The following CD101 variants were observed in gnomAD, a reference collection of about 807,000 sequenced individuals.
The protein encoded by CD101 is CD101 molecule, also known as immunoglobulin superfamily member 2.
Under a neutral mutation model 98.2 loss-of-function variants are expected in CD101, and 76 were observed. That is an observed-to-expected ratio of 0.77 (90% CI 0.64 to 0.94). The LOEUF (loss-of-function observed/expected upper bound fraction) is 0.94, where lower values mean the gene tolerates loss of function less well. Among genes scored for constraint, CD101 ranks in the 40% least tolerant of loss-of-function variants. The probability of loss-of-function intolerance (pLI) is 0.00; values close to 1 mark genes in which losing one functional copy is unlikely to be tolerated. For missense variants in CD101, 1,145 were observed against 1,218.8 expected (o/e 0.94, Z 0.90); for synonymous variants, 471 against 472.7 (o/e 1.00, Z 0.05).
chr1:117,018,277 G>T lies in CD101; in HGVS notation c.1734G>T (p.Thr578=). 6.2e-7 allele frequency: 1 copy of T among 1,614,160 alleles called. No homozygotes were observed. The highest frequency in any genetic ancestry group is 8.5e-7 in the Non-Finnish European group (1 of 1,180,026). Reference sequence around the variant, plus strand: ...ACCTCAAGGTGCCACTCACTGTGACGTGGCAGTTCCAGCCAGCTAGCTCTC... The same window carrying T: ...ACCTCAAGGTGCCACTCACTGTGACTTGGCAGTTCCAGCCAGCTAGCTCTC... ...YSDLKVPLTV[T]WQFQPASSHI... Residue 578 remains threonine, a synonymous_variant, in exon 6 of 10, where the codon ACG becomes ACT. Transcript: ENST00000682167. This position sits in a 1 kb window ranked among gnomAD's most constrained non-coding sequence, Gnocchi z 4.3.
At chr1:117,008,679 A>G (rs189796443) in intron 1 of CD101, among the ~76,000 whole-genome samples, 4 of 152,026 alleles carry the variant, frequency 2.6e-5, no homozygotes. Context: ...TCCTATACTC[A>G]GCCTTATCAT....
intron 8 of CD101, chr1:117,026,216 C>T: frequency 4.0e-6 from 1 of 250,666 alleles, no homozygotes; most frequent in Non-Finnish European, 7.6e-6. Context: ...AGGGAAAGGG[C>T]CATTGGAGAA....
Position 117,005,067 on chromosome 1 carries a change from C to T in CD101, c.43+3207C>T, listed in dbSNP as rs1170606195. 6.6e-6 allele frequency among the ~76,000 whole-genome samples: 1 copy of T among 152,106 alleles called. No homozygotes were observed. The highest frequency in any genetic ancestry group is 1.5e-5 in the Non-Finnish European group (1 of 68,008). On this transcript the variant is annotated intron_variant, in intron 1 of 9. Coordinates refer to ENST00000682167, the MANE Select transcript of CD101 (RefSeq NM_001256106.3). This position sits in a 1 kb window ranked among gnomAD's most constrained non-coding sequence, Gnocchi z 4.4. ...GGCATTAATCCCATTCATGAGAGCA[C>T]AGCCCTCATGACCTAATTGCTTCCT...
At position 117,033,948 on chromosome 1, in the gene CD101, C is replaced by T. The variant is rs141401897; in HGVS notation, c.2913C>T (p.Leu971=). The change falls in exon 9 of 10, where the codon CTC becomes CTT. Residue 971 remains leucine, a synonymous_variant. Transcript: ENST00000682167. This position sits in a 1 kb window ranked among gnomAD's most constrained non-coding sequence, Gnocchi z 4.8. The part of the protein sequence containing the change: ...ICPFVLLLLL[L]ISLLCLYWKA... ...CCTTCGTCCTGCTCCTCCTTCTGCT[C>T]ATCTCCCTCCTCTGCTTATACTGGA... The T allele has an allele frequency of 8.7e-4, 1,400 of 1,614,188 alleles. No individual in the cohort carries two copies. Among genetic ancestry groups the T allele is most frequent in the Admixed American group, 1.8e-3 (111 of 60,018 alleles).
At chr1:117,014,909 G>A (rs888771194) in intron 4 of CD101, among the ~76,000 whole-genome samples, 1 of 152,178 alleles carries the variant, frequency 6.6e-6, no homozygotes. Context: ...TAGAATTAAG[G>A]AAAAACAATA....
intron 1 of CD101, among the ~76,000 whole-genome samples, chr1:117,007,488 C>G (rs1040145576): frequency 2.0e-5 from 3 of 152,064 alleles, no homozygotes; most frequent in Admixed American, 2.0e-4. Context: ...GCTAGGATTA[C>G]AGGCACCTTG....
chr1:117,024,761 G>A (rs569655534), intron 7 of CD101, among the ~76,000 whole-genome samples: 3 of 152,208 alleles, frequency 2.0e-5, no homozygotes, highest in East Asian at 1.9e-4. Context: ...CTCTCTCTGC[G>A]TTTACACCCA....
At chr1:117,024,643 A>C (rs1348252839) in intron 7 of CD101, among the ~76,000 whole-genome samples, 1 of 152,194 alleles carries the variant, frequency 6.6e-6, no homozygotes, top group Non-Finnish European at 1.5e-5. Context: ...AAAAAAAGTA[A>C]ATGTCAAAAT....
Position 117,010,351 on chromosome 1 carries a change from G to A in CD101, c.424+121G>A, listed in dbSNP as rs1287185256. On this transcript the variant is annotated intron_variant, in intron 2 of 9. Coordinates refer to ENST00000682167, the MANE Select transcript of CD101 (RefSeq NM_001256106.3). This position sits in a 1 kb window ranked among gnomAD's most constrained non-coding sequence, Gnocchi z 5.2. Reference sequence around the variant, plus strand: ...CATTTTCTTTGGGAAAAGAGCCCATGTACCCCTGTGGATATTTTGGAGATA... The same window carrying A: ...CATTTTCTTTGGGAAAAGAGCCCATATACCCCTGTGGATATTTTGGAGATA... 1 of 1,017,156 alleles carries A rather than the reference G, an allele frequency of 9.8e-7. No homozygotes were observed. The highest frequency in any genetic ancestry group is 2.4e-5 in the East Asian group (1 of 41,046). The allele number at this position is 1,017,156 out of a possible 1,614,324, so 63.0% of individuals were successfully genotyped here.
rs1248939624 is a variant in CD101, at chr1:117,018,982, A to G, written c.2017+422A>G. On this transcript the variant is annotated intron_variant, in intron 6 of 9. Coordinates refer to ENST00000682167, the MANE Select transcript of CD101 (RefSeq NM_001256106.3). This position sits in a 1 kb window ranked among gnomAD's most constrained non-coding sequence, Gnocchi z 4.3. ...TAGTGGTAGGGATAAGGTAAATTCC[A>G]CTGGAATACATCCACCTACTTCTTT... Among the ~76,000 whole-genome samples the G allele has an allele frequency of 6.6e-6, 1 of 152,216 alleles. No homozygotes were observed. Among genetic ancestry groups the G allele is most frequent in the Non-Finnish European group, 1.5e-5 (1 of 68,042 alleles).
intron 1 of CD101, among the ~76,000 whole-genome samples, 177 bp downstream of exon 1, chr1:117,002,037 G>A (rs1214340494): frequency 1.3e-5 from 2 of 152,196 alleles, no homozygotes; most frequent in African/African-American, 4.8e-5. Context: ...ACATCCTTGA[G>A]TTCCAGGGAG....
chr1:117,034,016 A>G lies in CD101; in HGVS notation c.2981A>G (p.Glu994Gly). 1.2e-6 allele frequency: 2 copies of G among 1,614,196 alleles called. No individual in the cohort carries two copies. Among genetic ancestry groups the G allele is most frequent in the Non-Finnish European group, 1.7e-6 (2 of 1,180,032 alleles). ...ACACTGCGTTCCAACACACGGAAAG[A>G]AAAAGCTCTCTGGGTGGACTTGAAA... ...LSTLRSNTRK[E>G]KALWVDLKEA... is the part of the protein sequence containing the mutation. The change falls in exon 9 of 10, where the codon GAA (glutamate) becomes GGA (glycine). Residue 994 changes from glutamate to glycine, a missense_variant. By Grantham distance (98) the Glu-to-Gly change is moderately conservative. Transcript: ENST00000682167.
At position 117,025,562 on chromosome 1, in the gene CD101, A is replaced by C; in HGVS notation, c.2482A>C (p.Arg828=). Residue 828 remains arginine, a synonymous_variant, in exon 8 of 10, where the codon AGA becomes CGA. Transcript: ENST00000682167. ...CTGGACCGAAAATGTGACTGAGCAC[A>C]GAGAAGTGGCCATCCGCTGCAGCCT... ...VYWTENVTEH[R]EVAIRCSLES... 1 of 1,610,500 alleles carries C rather than the reference A, an allele frequency of 6.2e-7. No homozygotes were observed. The highest frequency in any genetic ancestry group is 8.5e-7 in the Non-Finnish European group (1 of 1,178,490).
chr1:117,009,684 C>T (rs1427992794), intron 1 of CD101, among the ~76,000 whole-genome samples, 166 bp from the exon 2 acceptor site: 3 of 152,162 alleles, frequency 2.0e-5, no homozygotes, highest in Non-Finnish European at 4.4e-5. Context: ...CAAGCAATTC[C>T]ACTGCTGCTC....
At chr1:117,009,811 A>AATCT (rs1652767173) in intron 1 of CD101, 39 bp from the exon 2 acceptor site, 1 of 1,551,954 alleles carries the variant, frequency 6.4e-7, no homozygotes, top group African/African-American at 1.4e-5. Context: ...CTGGAACACT[A>AATCT]ATCTCTTTTT....
rs752355834 is a variant in CD101, at chr1:117,001,854, C to T, written c.37C>T (p.Leu13Phe). 1.2e-6 allele frequency: 2 copies of T among 1,614,078 alleles called. No homozygotes were observed. Among genetic ancestry groups the T allele is most frequent in the Non-Finnish European group, 1.7e-6 (2 of 1,179,922 alleles). ...GISYVASFFL[L>F]LTKLSIGQRE... ...CTCATATGTGGCATCTTTCTTTCTC[C>T]TTCTGAGTAAGTTTCATAATCCTTT... Residue 13 changes from leucine (L) to phenylalanine (F), a missense_variant, in exon 1 of 10, where the codon CTT becomes TTT. Physicochemically the swap from Leu to Phe is conservative, Grantham distance 22 (BLOSUM62 0). Transcript: ENST00000682167.
chr1:117,018,225 C>G lies in CD101; in HGVS notation c.1682C>G (p.Ser561Cys), dbSNP rs1249900748. 2 of 1,614,148 alleles carry G rather than the reference C, an allele frequency of 1.2e-6. No homozygotes were observed. The highest frequency in any genetic ancestry group is 1.7e-6 in the Non-Finnish European group (2 of 1,180,016). Residue 561 changes from serine to cysteine, a missense_variant, in exon 6 of 10, where the codon TCC (serine) becomes TGC (cysteine). Ser to Cys is a moderately radical substitution (Grantham distance 112). Transcript: ENST00000682167. The surrounding 1 kb of genome is among the most constrained non-coding windows in gnomAD (Gnocchi z 4.3). Reference protein sequence around the residue: ...QVMLTNTFDLSCVVRAGYSDL... With the variant: ...QVMLTNTFDLCCVVRAGYSDL... The stretch of plus-strand genomic sequence containing the variant: ...ATGTTAACCAACACCTTTGACCTGT[C>G]CTGTGTCGTGAGGGCCGGTTACTCT...
chr1:117,016,910 A>G (rs947279321), intron 4 of CD101, among the ~76,000 whole-genome samples, 180 bp from the exon 5 acceptor site: 3 of 152,210 alleles, frequency 2.0e-5, no homozygotes, highest in African/African-American at 4.8e-5. Flanking sequence ...TCTTTCTGCT[A>G]TCTTGTTTCC....
chr1:117,010,004 G>C lies in CD101; in HGVS notation c.198G>C (p.Pro66=). 1 of 1,614,164 alleles carries C rather than the reference G, an allele frequency of 6.2e-7. No individual in the cohort carries two copies. The highest frequency in any genetic ancestry group is 8.5e-7 in the Non-Finnish European group (1 of 1,180,028). ...FQWSVYLPTN[P]TQEVQIISTK... is the part of the protein sequence containing the mutation. ...GGTCTGTTTACCTGCCGACAAACCC[G>C]ACCCAGGAAGTCCAGATCATTAGCA... Residue 66 remains proline (P), a synonymous_variant, in exon 2 of 10, where the codon CCG becomes CCC. Coordinates refer to ENST00000682167, the MANE Select transcript of CD101 (RefSeq NM_001256106.3). This position sits in a 1 kb window ranked among gnomAD's most constrained non-coding sequence, Gnocchi z 5.2.
Sources: gnomAD v4.1 joint callset for allele counts (sites outside exome capture counted in the v4.1 genomes callset) on GRCh38, gnomAD v4.1.1 for gene constraint, Gnocchi (gnomAD v3.1) non-coding constraint, MANE v1.5 for transcripts, NCBI Gene and HGNC (gene_info 2026-07-23, HGNC 2026-07-21) for gene names.